Variants in GATAD2A observed in about 807,000 individuals in gnomAD.
GATAD2A encodes transcriptional repressor p66-alpha.
GATAD2A carries 12 observed loss-of-function variants against 68.5 expected under a neutral mutation model. That is an observed-to-expected ratio of 0.18 (90% confidence interval 0.11 to 0.28). The LOEUF is 0.28. GATAD2A is among the 10% of genes least tolerant of loss of function. The pLI, the probability that GATAD2A is intolerant of heterozygous loss-of-function variation, is 1.00. For missense variants in GATAD2A, 755 were observed against 868.5 expected, an observed-to-expected ratio of 0.87 and a Z score of 1.64; for synonymous variants, 410 against 375.3, an observed-to-expected ratio of 1.09 and a Z score of -1.07.
chr19:19,494,224 T>G, intron 4 of GATAD2A, 70 bp from the exon 5 acceptor site: 11 of 801,574 alleles, frequency 1.4e-5, no homozygotes. Context: ...CATTAAATCT[T>G]GGCAACTCCG....
At chr19:19,467,324 C>T (rs1162800171) in intron 2 of GATAD2A, among the ~76,000 whole-genome samples, 1 of 152,060 alleles carries the variant, frequency 6.6e-6, no homozygotes, top group East Asian at 1.9e-4. Flanking sequence ...TGCAATGAGC[C>T]GAGATCGCGC....
chr19:19,416,363 G>T (rs971319426), intron 1 of GATAD2A, among the ~76,000 whole-genome samples: 3 of 152,148 alleles, frequency 2.0e-5, no homozygotes, highest in Non-Finnish European at 2.9e-5. Flanking sequence ...GATTTGGGGT[G>T]GGGGTGGTGG....
intron 7 of GATAD2A, among the ~76,000 whole-genome samples, chr19:19,496,431 C>G (rs1270566870): frequency 1.3e-5 from 2 of 152,196 alleles, no homozygotes; most frequent in Admixed American, 1.3e-4. Context: ...GGCAGACTTG[C>G]TATCCAGCAC....
At chr19:19,463,182 C>T (rs2057591441) in intron 1 of GATAD2A, among the ~76,000 whole-genome samples, 1 of 152,104 alleles carries the variant, frequency 6.6e-6, no homozygotes, top group African/African-American at 2.4e-5. Flanking sequence ...GTGCACATAC[C>T]TGCTGTCTAA....
intron 2 of GATAD2A, chr19:19,472,456 C>T (rs1352850821): frequency 6.6e-6 from 1 of 151,990 alleles, no homozygotes; most frequent in Non-Finnish European, 1.5e-5. Flanking sequence ...GCCTCAGCCT[C>T]CTGAGTAGCT....
At chr19:19,404,447 G>A (rs913846131), upstream of GATAD2A, among the ~76,000 whole-genome samples, 1 of 152,018 alleles carries the variant, frequency 6.6e-6, no homozygotes, top group East Asian at 1.9e-4. Context: ...TTGGGAGGCC[G>A]ATGCGAACAG....
At chr19:19,470,150 T>TTA (rs1555712317) in intron 2 of GATAD2A, among the ~76,000 whole-genome samples, 26 of 136,932 alleles carry the variant, frequency 1.9e-4, no homozygotes, top group African/African-American at 5.4e-4. Context: ...TTTATTTTTT[T>TTA]TTTTGTTTTT....
chr19:19,391,426 C>T (rs1425121513), intron 1 of GATAD2A, among the ~76,000 whole-genome samples: 1 of 152,100 alleles, frequency 6.6e-6, no homozygotes, highest in African/African-American at 2.4e-5. Flanking sequence ...TCTTAAATTT[C>T]TTTCAATTCT....
intron 2 of GATAD2A, among the ~76,000 whole-genome samples, chr19:19,471,147 G>A (rs567419268): frequency 2.0e-5 from 3 of 151,890 alleles, no homozygotes; most frequent in East Asian, 3.9e-4. Context: ...TCCCAGCTAC[G>A]TGGGAGGCTG....
intron 1 of GATAD2A, among the ~76,000 whole-genome samples, chr19:19,397,743 T>C (rs2049369060): frequency 6.6e-6 from 1 of 151,870 alleles, no homozygotes. Context: ...CAGTTTTTTG[T>C]TTTTTTTGAG....
rs371854841 is a variant in GATAD2A at position 19,494,272 on chromosome 19, C to T, written c.535-22C>T. ...GACCGGCCCGGTGGCCCCTCACCTC[C>T]TGGTGTCCTGCTCTCTTGCAGCCCA... is the stretch of plus-strand genomic sequence containing the variant. On this transcript the variant is annotated intron_variant, in intron 4 of 11. Coordinates refer to ENST00000683918, the MANE Select transcript of GATAD2A (RefSeq NM_001384528.1). 6.8e-5 allele frequency: 103 copies of T among 1,516,618 alleles called. 2 individuals carry two copies. Among genetic ancestry groups the T allele is most frequent in the South Asian group, 1.9e-4 (17 of 88,484 alleles). 93.9% of individuals were successfully genotyped at this position (1,516,618 alleles called of 1,614,324 possible).
chr19:19,478,366 C>T (rs903980829), intron 2 of GATAD2A, among the ~76,000 whole-genome samples: 4 of 152,056 alleles, frequency 2.6e-5, no homozygotes, highest in African/African-American at 9.7e-5. Context: ...TTTGGGAGGC[C>T]GAGGTGGGCA....
chr19:19,441,456 A>G (rs554575273), intron 1 of GATAD2A, among the ~76,000 whole-genome samples: 2 of 151,830 alleles, frequency 1.3e-5, no homozygotes, highest in East Asian at 1.9e-4. Flanking sequence ...TGGTGTGATC[A>G]TAGCTCACTG....
intron 2 of GATAD2A, among the ~76,000 whole-genome samples, chr19:19,480,758 G>A (rs1005762806): frequency 1.3e-5 from 2 of 152,234 alleles, no homozygotes; most frequent in Non-Finnish European, 2.9e-5. Flanking sequence ...AGTGGTCCTC[G>A]TGGGTCACTT....
intron 2 of GATAD2A, among the ~76,000 whole-genome samples, chr19:19,486,105 C>T (rs1056191986): frequency 1.3e-5 from 2 of 152,232 alleles, no homozygotes; most frequent in Admixed American, 6.5e-5. Context: ...CCTTGCCAGG[C>T]CCCCAGCAGA....
chr19:19,497,617 T>TG (rs1303089392), intron 7 of GATAD2A, among the ~76,000 whole-genome samples: 3 of 151,910 alleles, frequency 2.0e-5, no homozygotes, highest in Admixed American at 2.0e-4. Flanking sequence ...GAACCTTTCT[T>TG]GGGGGGTGGG....
chr19:19,448,575 G>A (rs546224072), intron 1 of GATAD2A, among the ~76,000 whole-genome samples: 61 of 152,110 alleles, frequency 4.0e-4, no homozygotes, highest in Non-Finnish European at 7.6e-4. Context: ...TGCAACCTCC[G>A]CCTGCCGGGT....
At chr19:19,487,813 C>T (rs1484277918) in intron 2 of GATAD2A, among the ~76,000 whole-genome samples, 1 of 152,158 alleles carries the variant, frequency 6.6e-6, no homozygotes, top group Non-Finnish European at 1.5e-5. Flanking sequence ...TGAGTGTTTG[C>T]ACAAGGGACA....
chr19:19,435,765 G>A (rs372374180), intron 1 of GATAD2A, among the ~76,000 whole-genome samples: 3 of 152,310 alleles, frequency 2.0e-5, no homozygotes, highest in East Asian at 1.9e-4. Context: ...CAGGAGAATC[G>A]TGTGAACCCA....
Sources: allele counts gnomAD v4.1 joint callset (sites outside exome capture counted in the v4.1 genomes callset), GRCh38; gene constraint gnomAD v4.1.1; transcripts MANE v1.5; gene names NCBI Gene and HGNC (gene_info 2026-07-23, HGNC 2026-07-21).